Variants in PLA2G4E observed in about 807,000 individuals in gnomAD.
PLA2G4E encodes cytosolic phospholipase A2 epsilon.
In PLA2G4E, 84 loss-of-function variants were observed where a neutral mutation model predicts 109.1. The observed-to-expected ratio is 0.77, with a 90% CI of 0.65 to 0.92. The LOEUF is 0.92. Ranked by LOEUF, PLA2G4E falls within the 40% of genes least tolerant of loss-of-function variation. The pLI, the probability that PLA2G4E is intolerant of heterozygous loss-of-function variation, is 0.00. For synonymous variants in PLA2G4E, 469 were observed against 436.1 expected (o/e 1.08, Z -0.94); for missense variants, 1,057 against 1,076.6 (o/e 0.98, Z 0.25).
chr15:42,017,292 C>T (rs62004286), intron 1 of PLA2G4E, among the ~76,000 whole-genome samples: 113 of 152,270 alleles, frequency 7.4e-4, no homozygotes, highest in Non-Finnish European at 9.9e-4. Flanking sequence ...TCCCTTGGGA[C>T]CTCACTCCAG....
chr15:41,992,305 T>C (rs1420606778), intron 13 of PLA2G4E, among the ~76,000 whole-genome samples: 2 of 152,152 alleles, frequency 1.3e-5, no homozygotes, highest in Non-Finnish European at 2.9e-5. Context: ...CAGCCAGCTT[T>C]GGCTGGAGGA....
chr15:41,985,784 GGCCCATCTTAGGAGAGGCTGCA>G, intron 18 of PLA2G4E, 33 bp downstream of exon 18: 2 of 1,552,564 alleles, frequency 1.3e-6, no homozygotes, highest in Non-Finnish European at 1.8e-6. Flanking sequence ...CTGACTGCGG[GGCCCATCTTAGGAGAGGCTGCA>G]GCCCATGCTC....
intron 13 of PLA2G4E, 81 bp from the exon 14 acceptor site, chr15:41,990,316 AC>A (rs2068222408): frequency 1.6e-6 from 2 of 1,272,076 alleles, no homozygotes; most frequent in Non-Finnish European, 2.2e-6. Context: ...GACAATCTGG[AC>A]CCCCGCAGCC....
At chr15:42,041,956 C>T (rs1430779141) in intron 1 of PLA2G4E, among the ~76,000 whole-genome samples, 1 of 152,178 alleles carries the variant, frequency 6.6e-6, no homozygotes, top group African/African-American at 2.4e-5. Context: ...TGGACGGGGA[C>T]AATGGCCATG....
At chr15:42,005,527 ATGAT>A (rs61214979) in intron 4 of PLA2G4E, among the ~76,000 whole-genome samples, 38,028 of 152,074 alleles carry the variant, frequency 0.25, 5,920 homozygotes, top group East Asian at 0.48. Flanking sequence ...TGCTGGCAGA[ATGAT>A]TGAATTGACA....
At chr15:42,037,480 C>T (rs1373039693) in intron 1 of PLA2G4E, among the ~76,000 whole-genome samples, 2 of 152,222 alleles carry the variant, frequency 1.3e-5, no homozygotes, top group Non-Finnish European at 2.9e-5. Flanking sequence ...TACTGCGGGT[C>T]TCCTCTGAGC....
At position 42,031,151 on chromosome 15, in the gene PLA2G4E, T is replaced by C. The variant is rs527725144; in HGVS notation, c.184-17394A>G. 4.6e-5 allele frequency among the ~76,000 whole-genome samples: 7 copies of C among 152,134 alleles called. No individual in the cohort carries two copies. In the South Asian group the frequency reaches 1.5e-3, roughly 32 times the overall value. On this transcript the variant is annotated intron_variant, in intron 1 of 19. Coordinates refer to ENST00000399518, the Ensembl canonical transcript of PLA2G4E. ...CCCAGCTAATTAAAAAAAAATTTGG[T>C]AGAGTCGGGGTCTCACTATGTTGCC...
chr15:41,992,409 G>A (rs1470226446), intron 13 of PLA2G4E, among the ~76,000 whole-genome samples: 6 of 152,140 alleles, frequency 3.9e-5, no homozygotes, highest in Non-Finnish European at 5.9e-5. Flanking sequence ...CTCGCTTCAT[G>A]GCGTCACTGC....
exon 10 of PLA2G4E, chr15:41,999,526 G>A (rs370269764): frequency 9.4e-6 from 15 of 1,600,854 alleles, no homozygotes; most frequent in Non-Finnish European, 1.3e-5. Flanking sequence ...TACTATACCA[G>A]GGTGTAGACT....
intron 17 of PLA2G4E, among the ~76,000 whole-genome samples, chr15:41,986,315 A>G (rs1372388749): frequency 6.6e-6 from 1 of 152,214 alleles, no homozygotes; most frequent in Non-Finnish European, 1.5e-5. Flanking sequence ...GAGGCTTAAC[A>G]GGCCAGGCTG....
At chr15:42,009,537 A>G (rs537884053) in intron 2 of PLA2G4E, among the ~76,000 whole-genome samples, 1 of 152,234 alleles carries the variant, frequency 6.6e-6, no homozygotes, top group East Asian at 1.9e-4. Context: ...TGCCCTCAGG[A>G]AGGAGTCCCA....
At chr15:42,045,345 G>A (rs1042034466) in intron 1 of PLA2G4E, among the ~76,000 whole-genome samples, 3 of 152,192 alleles carry the variant, frequency 2.0e-5, no homozygotes, top group Non-Finnish European at 2.9e-5. Flanking sequence ...GTGTGAAACC[G>A]GGAGGATGGG....
chr15:42,042,657 G>GA (rs11388866), intron 1 of PLA2G4E, among the ~76,000 whole-genome samples: 29,050 of 151,998 alleles, frequency 0.19, 2,902 homozygotes, highest in South Asian at 0.33. Context: ...GTAGCTTGAG[G>GA]TGGGGTCAGG....
At chr15:42,007,653 G>A in intron 3 of PLA2G4E, 76 bp downstream of exon 3, 2 of 1,500,754 alleles carry the variant, frequency 1.3e-6, no homozygotes, top group South Asian at 2.4e-5. Flanking sequence ...GAACACAGAG[G>A]CAAAGAGAAG....
chr15:41,995,484 C>T (rs1038995630), exon 12 of PLA2G4E: 1 of 1,613,896 alleles, frequency 6.2e-7, no homozygotes, highest in Admixed American at 1.7e-5. Flanking sequence ...GCCATGATGG[C>T]TATCAGCGGC....
chr15:41,988,856 A>T (rs2068192945), intron 15 of PLA2G4E, among the ~76,000 whole-genome samples: 1 of 152,190 alleles, frequency 6.6e-6, no homozygotes, highest in Non-Finnish European at 1.5e-5. Flanking sequence ...TTGGTTTGGG[A>T]TAGACAGAAG....
intron 12 of PLA2G4E, among the ~76,000 whole-genome samples, chr15:41,993,918 C>CAAA: frequency 6.6e-6 from 1 of 152,210 alleles, no homozygotes; most frequent in Non-Finnish European, 1.5e-5. Context: ...GTGCTTTCCC[C>CAAA]AGGCCAGGGG....
At chr15:42,049,888 T>G (rs1566854697) in intron 1 of PLA2G4E, among the ~76,000 whole-genome samples, 1 of 152,240 alleles carries the variant, frequency 6.6e-6, no homozygotes, top group Non-Finnish European at 1.5e-5. Flanking sequence ...GAGGCAGACC[T>G]GGATCACCTG....
chr15:42,005,237 G>A (rs1018450788), intron 4 of PLA2G4E, among the ~76,000 whole-genome samples: 2 of 152,172 alleles, frequency 1.3e-5, no homozygotes, highest in Admixed American at 6.5e-5. Context: ...TCCTCTGCCC[G>A]AGAGCATCTC....
Sources: allele counts gnomAD v4.1 joint callset (sites outside exome capture counted in the v4.1 genomes callset), GRCh38; gene constraint gnomAD v4.1.1; transcripts MANE v1.5; gene names NCBI Gene and HGNC (gene_info 2026-07-23, HGNC 2026-07-21).